The following MAGI2 variants were observed in gnomAD, a reference collection of about 807,000 sequenced individuals.
MAGI2 encodes the protein membrane-associated guanylate kinase, WW and PDZ domain-containing protein 2.
In MAGI2, 35 loss-of-function variants were observed where a neutral mutation model predicts 133.3. That is an observed-to-expected ratio of 0.26 (90% confidence interval 0.20 to 0.35). The LOEUF is 0.35. Among genes scored for constraint, MAGI2 ranks in the 10% least tolerant of loss-of-function variants. MAGI2 has a pLI of 1.00. For missense variants in MAGI2, 1,636 were observed against 1,863.4 expected, an observed-to-expected ratio of 0.88 and a Z score of 2.25; for synonymous variants, 729 against 710.6, an observed-to-expected ratio of 1.03 and a Z score of -0.41.
At chr7:78,403,685 T>C (rs10252284) in intron 6 of MAGI2, among the ~76,000 whole-genome samples, 135,941 of 151,984 alleles carry the variant, frequency 0.89, 61,028 homozygotes, top group African/African-American at 0.97. Flanking sequence ...TTTTAATGAT[T>C]GTCATTCTAA....
intron 1 of MAGI2, among the ~76,000 whole-genome samples, chr7:79,184,457 A>T (rs1357338688): frequency 6.6e-6 from 1 of 151,502 alleles, no homozygotes; most frequent in Non-Finnish European, 1.5e-5. Flanking sequence ...ATAACATAAA[A>T]AATCAAAATA....
In MAGI2 at chr7:78,551,465, T is replaced by A. The variant is rs142799287; in HGVS notation, c.539-29820A>T. 1.4e-4 allele frequency among the ~76,000 whole-genome samples: 21 copies of A among 152,224 alleles called. No individual in the cohort carries two copies. In the East Asian group the frequency reaches 4.1e-3, roughly 29 times the overall value. On this transcript the variant is annotated intron_variant, in intron 3 of 21. Coordinates refer to ENST00000354212, the MANE Select transcript of MAGI2 (RefSeq NM_012301.4). ...CTTGCTTTTGCACTATTTCAAGAGA[T>A]CTTATTGCTTGCTTACTTAAAATGT...
chr7:78,730,035 T>C (rs1821215360), intron 2 of MAGI2, among the ~76,000 whole-genome samples: 1 of 152,152 alleles, frequency 6.6e-6, no homozygotes. Flanking sequence ...AACCTCTCAT[T>C]TGAGTATTCC....
At chr7:79,294,067 C>A (rs549964949) in intron 1 of MAGI2, among the ~76,000 whole-genome samples, 3 of 151,444 alleles carry the variant, frequency 2.0e-5, no homozygotes, top group Admixed American at 1.3e-4. Context: ...TCTGTAATCC[C>A]CTCAGGAGGC....
At chr7:79,225,246 T>C (rs1372801039) in intron 1 of MAGI2, among the ~76,000 whole-genome samples, 1 of 152,134 alleles carries the variant, frequency 6.6e-6, no homozygotes, top group African/African-American at 2.4e-5. Context: ...ACAAACTCCT[T>C]AAGAGAAAAT....
At chr7:79,433,150 G>A (rs183898037) in intron 1 of MAGI2, among the ~76,000 whole-genome samples, 1 of 152,280 alleles carries the variant, frequency 6.6e-6, no homozygotes, top group East Asian at 1.9e-4. Context: ...AGACTATTCC[G>A]ATACATGAAA....
chr7:79,297,456 G>T (rs948139346), intron 1 of MAGI2, among the ~76,000 whole-genome samples: 1 of 152,090 alleles, frequency 6.6e-6, no homozygotes, highest in Non-Finnish European at 1.5e-5. Context: ...AACTATCATC[G>T]AGAAGGCAGT....
chr7:78,648,248 C>T (rs1811112683), intron 2 of MAGI2, among the ~76,000 whole-genome samples: 1 of 152,052 alleles, frequency 6.6e-6, no homozygotes, highest in African/African-American at 2.4e-5. Flanking sequence ...GTCATGGTTC[C>T]CAACATACAC....
chr7:78,780,091 T>C lies in MAGI2; in HGVS notation c.419-152852A>G, dbSNP rs117826271. On this transcript the variant is annotated intron_variant, in intron 2 of 21. Coordinates refer to ENST00000354212, the MANE Select transcript of MAGI2 (RefSeq NM_012301.4). ...AAATGTGAACAGTCCGCAACAGTCATGGAAACTTGAGAAAAGAATGCGTGT... is the reference window on the plus strand; with the variant it reads ...AAATGTGAACAGTCCGCAACAGTCACGGAAACTTGAGAAAAGAATGCGTGT... 3.5e-4 allele frequency among the ~76,000 whole-genome samples: 53 copies of C among 152,358 alleles called. 2 individuals are homozygous for C. The East Asian group carries it at 0.01, about 29-fold the overall frequency.
intron 16 of MAGI2, among the ~76,000 whole-genome samples, chr7:78,157,239 C>T (rs904189115): frequency 2.0e-5 from 3 of 152,040 alleles, no homozygotes; most frequent in Admixed American, 6.5e-5. Flanking sequence ...TTTTAAACTC[C>T]CTAAATTGAA....
chr7:78,622,827 A>C (rs1327112734), intron 3 of MAGI2, among the ~76,000 whole-genome samples: 2 of 152,026 alleles, frequency 1.3e-5, no homozygotes, highest in African/African-American at 4.8e-5. Flanking sequence ...ATCCATGTAT[A>C]CAATGTGTAT....
intron 20 of MAGI2, among the ~76,000 whole-genome samples, chr7:78,091,087 G>C (rs903920092): frequency 9.5e-5 from 14 of 147,260 alleles, no homozygotes; most frequent in Admixed American, 4.8e-4. Context: ...TGATAAGAGA[G>C]TAAGAGTGAA....
intron 7 of MAGI2, among the ~76,000 whole-genome samples, chr7:78,365,386 T>C (rs956784407): frequency 1.3e-5 from 2 of 152,158 alleles, no homozygotes; most frequent in African/African-American, 4.8e-5. Flanking sequence ...GGGTTATAAA[T>C]GCGAAATTTA....
chr7:78,544,094 G>A (rs544514045), intron 3 of MAGI2, among the ~76,000 whole-genome samples: 61 of 152,284 alleles, frequency 4.0e-4, no homozygotes, highest in African/African-American at 1.3e-3. Context: ...CAGCTCTTCC[G>A]ACAAGAGCCC....
chr7:78,888,812 A>C (rs193116074), intron 2 of MAGI2, among the ~76,000 whole-genome samples: 1 of 152,286 alleles, frequency 6.6e-6, no homozygotes, highest in African/African-American at 2.4e-5. Flanking sequence ...AACTCTAAAA[A>C]TCACAGTGCC....
intron 2 of MAGI2, among the ~76,000 whole-genome samples, chr7:78,665,272 T>C (rs1813426939): frequency 6.6e-6 from 1 of 152,134 alleles, no homozygotes; most frequent in Admixed American, 6.6e-5. Flanking sequence ...AAAAAACAAT[T>C]TTCATACATG....
chr7:78,729,192 T>C (rs532751919), intron 2 of MAGI2, among the ~76,000 whole-genome samples: 69 of 152,244 alleles, frequency 4.5e-4, no homozygotes, highest in African/African-American at 1.6e-3. Context: ...AGTGCCAATA[T>C]CCAAACCACT....
intron 9 of MAGI2, among the ~76,000 whole-genome samples, chr7:78,332,250 A>G (rs1377880082): frequency 6.6e-6 from 1 of 152,268 alleles, no homozygotes; most frequent in Non-Finnish European, 1.5e-5. Context: ...TTTGGGTTAC[A>G]AAGGCCTCTT....
chr7:78,089,637 G>A (rs1816987483), intron 20 of MAGI2, among the ~76,000 whole-genome samples: 1 of 152,154 alleles, frequency 6.6e-6, no homozygotes, highest in South Asian at 2.1e-4. Context: ...GGGTTACTGA[G>A]TTGAATGCTC....
Sources: allele counts gnomAD v4.1 joint callset (sites outside exome capture counted in the v4.1 genomes callset), GRCh38; gene constraint gnomAD v4.1.1; transcripts MANE v1.5; gene names NCBI Gene and HGNC (gene_info 2026-07-23, HGNC 2026-07-21).